KCNG2: variants seen among roughly 807,000 people sequenced by gnomAD.
KCNG2 encodes potassium voltage-gated channel modifier subfamily G member 2.
A neutral mutation model predicts 12.3 loss-of-function variants in KCNG2; 7 were observed. The ratio of observed to expected loss-of-function variants is 0.57; its 90% confidence interval spans 0.32 to 1.07. The LOEUF (loss-of-function observed/expected upper bound fraction) is 1.07, where lower values mean the gene tolerates loss of function less well. Among genes scored for constraint, KCNG2 ranks in the 50% least tolerant of loss-of-function variants. The pLI is 0.04. For synonymous variants in KCNG2, 414 were observed against 351.4 expected (o/e 1.18, Z -1.99); for missense variants, 703 against 726.0 (o/e 0.97, Z 0.36).
At chr18:79,857,014 C>G (rs1013901832) in intron 2 of KCNG2, among the ~76,000 whole-genome samples, 8 of 147,728 alleles carry the variant, frequency 5.4e-5, no homozygotes, top group Non-Finnish European at 1.2e-4. Flanking sequence ...GCCCTCCGTC[C>G]CAGAGGAGCT....
intron 1 of KCNG2, among the ~76,000 whole-genome samples, chr18:79,818,340 G>A (rs1349860579): frequency 6.6e-6 from 1 of 152,248 alleles, no homozygotes; most frequent in East Asian, 1.9e-4. Flanking sequence ...GGAGGCTGGA[G>A]GCCCGGCCCA....
intron 1 of KCNG2, among the ~76,000 whole-genome samples, chr18:79,852,662 C>T (rs1263498102): frequency 6.6e-6 from 1 of 152,266 alleles, no homozygotes; most frequent in Non-Finnish European, 1.5e-5. Flanking sequence ...CTCACCAGCG[C>T]CTGCACCTGG....
At position 79,874,508 on chromosome 18, in the gene KCNG2, A is replaced by G. The variant is rs1316793299; in HGVS notation, c.624+10217A>G. Among the ~76,000 whole-genome samples, 7 of 152,234 alleles carry G rather than the reference A, an allele frequency of 4.6e-5. No individual in the cohort carries two copies. In the East Asian group the frequency reaches 1.3e-3, roughly 29 times the overall value. ...TCTCACAAAATAATCTTTAAAATCT[A>G]GAGAAATGTGTACGAAGATGTGACG... On this transcript the variant is annotated intron_variant, in intron 3 of 3. Transcript: ENST00000316249.
intron 1 of KCNG2, among the ~76,000 whole-genome samples, chr18:79,828,407 AGT>A (rs1411132043): frequency 2.0e-5 from 3 of 150,188 alleles, no homozygotes; most frequent in African/African-American, 4.9e-5. Flanking sequence ...TGCATGTATC[AGT>A]GTGTGCATGT....
Position 79,884,675 on chromosome 18 carries a change from G to A in KCNG2, c.625-14365G>A, listed in dbSNP as rs1980451829. 2.6e-5 allele frequency among the ~76,000 whole-genome samples: 4 copies of A among 152,216 alleles called. No individual in the cohort carries two copies. Among genetic ancestry groups the A allele is most frequent in the African/African-American group, 9.6e-5 (4 of 41,462 alleles). On this transcript the variant is annotated intron_variant, in intron 3 of 3. Transcript: ENST00000316249. The surrounding 1 kb of genome is among the most constrained non-coding windows in gnomAD (Gnocchi z 5.5). The stretch of plus-strand genomic sequence containing the variant: ...CGGAGAAATGTTTGTGGTTTCCAAA[G>A]AGACCGGACACGCCCAAGGCCCACA...
intron 3 of KCNG2, among the ~76,000 whole-genome samples, chr18:79,885,513 T>C (rs1980491677): frequency 6.6e-6 from 1 of 152,188 alleles, no homozygotes; most frequent in African/African-American, 2.4e-5. Context: ...GGGTCCCTCC[T>C]TGTTGTGGGC....
chr18:79,808,108 G>A (rs530433796), intron 1 of KCNG2, among the ~76,000 whole-genome samples: 2 of 122,656 alleles, frequency 1.6e-5, no homozygotes, highest in Admixed American at 7.9e-5. Flanking sequence ...TCCACGTTAT[G>A]GGCCCAGAGT....
rs185416074 is a variant in KCNG2, at chr18:79,817,321, G to A, written c.-115+19307G>A. Among the ~76,000 whole-genome samples, 168 of 152,292 alleles carry A rather than the reference G, an allele frequency of 1.1e-3. 3 individuals carry two copies. The East Asian group carries it at 0.016, about 14-fold the overall frequency. ...CCTGCCTCACGGCTGCCACATGGCCGCCACTCACATGCCTGTCACATGGTT... is the reference window on the plus strand; with the variant it reads ...CCTGCCTCACGGCTGCCACATGGCCACCACTCACATGCCTGTCACATGGTT... On this transcript the variant is annotated intron_variant, in intron 1 of 3. Coordinates refer to ENST00000316249, the MANE Select transcript of KCNG2 (RefSeq NM_012283.2).
intron 2 of KCNG2, among the ~76,000 whole-genome samples, chr18:79,860,370 T>C (rs1028084400): frequency 7.2e-5 from 11 of 152,244 alleles, no homozygotes; most frequent in African/African-American, 1.9e-4. Flanking sequence ...TTAGGGAAGA[T>C]TGCCATCTTA....
intron 1 of KCNG2, among the ~76,000 whole-genome samples, chr18:79,799,125 C>T (rs560257858): frequency 5.3e-5 from 8 of 152,336 alleles, no homozygotes; most frequent in African/African-American, 1.9e-4. Flanking sequence ...TCAAAGTGAG[C>T]GCCGGGCAGA....
intron 3 of KCNG2, among the ~76,000 whole-genome samples, chr18:79,894,846 G>T (rs971233226): frequency 6.6e-6 from 1 of 151,608 alleles, no homozygotes; most frequent in Admixed American, 6.6e-5. Flanking sequence ...GTATGCTTTT[G>T]ATTGGGTTGT....
Position 79,803,773 on chromosome 18 carries a change from C to G in KCNG2, c.-115+5759C>G, listed in dbSNP as rs1363582815. On this transcript the variant is annotated intron_variant, in intron 1 of 3. Coordinates refer to ENST00000316249, the MANE Select transcript of KCNG2 (RefSeq NM_012283.2). The surrounding 1 kb of genome is among the most constrained non-coding windows in gnomAD (Gnocchi z 4.5). ...GCGTCTCCCGACCACAGGCCCCAGT[C>G]CCGGCCAAGGTTCCAGGATGCCAGC... Among the ~76,000 whole-genome samples the G allele has an allele frequency of 1.3e-5, 2 of 152,212 alleles. No homozygotes were observed. The highest frequency in any genetic ancestry group is 3.9e-4 in the East Asian group (2 of 5,188).
At chr18:79,815,441 C>CAAA (rs760919178) in intron 1 of KCNG2, among the ~76,000 whole-genome samples, 14 of 78,808 alleles carry the variant, frequency 1.8e-4, no homozygotes, top group East Asian at 9.7e-4. Flanking sequence ...AACCCTGCCT[C>CAAA]AAAAAAAAAA....
intron 1 of KCNG2, among the ~76,000 whole-genome samples, chr18:79,825,786 C>T (rs1372614469): frequency 6.6e-6 from 1 of 151,558 alleles, no homozygotes; most frequent in Non-Finnish European, 1.5e-5. Context: ...ACTAAAATTA[C>T]CTGTATCGTC....
chr18:79,826,161 G>A lies in KCNG2; in HGVS notation c.-115+28147G>A, dbSNP rs1207362761. ...AGCTCTGTGGCCGTTGGCAAGGCCA[G>A]GAACCCGGGTAGTCGAGCTGAAACT... On this transcript the variant is annotated intron_variant, in intron 1 of 3. Coordinates refer to ENST00000316249, the MANE Select transcript of KCNG2 (RefSeq NM_012283.2). Among the ~76,000 whole-genome samples, 4 of 152,366 alleles carry A rather than the reference G, an allele frequency of 2.6e-5. No individual in the cohort carries two copies. The East Asian group carries it at 7.7e-4, about 29-fold the overall frequency.
intron 3 of KCNG2, among the ~76,000 whole-genome samples, chr18:79,878,983 G>T (rs1004547454): frequency 1.3e-5 from 2 of 152,242 alleles, no homozygotes; most frequent in African/African-American, 4.8e-5. Flanking sequence ...TGGGTGGTGA[G>T]CTCAGCTCCT....
At chr18:79,891,557 A>AT (rs1192333004) in intron 3 of KCNG2, among the ~76,000 whole-genome samples, 1 of 152,136 alleles carries the variant, frequency 6.6e-6, no homozygotes, top group African/African-American at 2.4e-5. Flanking sequence ...GCTGCACCAT[A>AT]TAAGTTTGGA....
chr18:79,826,213 G>T (rs1455430582), intron 1 of KCNG2, among the ~76,000 whole-genome samples: 1 of 152,282 alleles, frequency 6.6e-6, no homozygotes, highest in Non-Finnish European at 1.5e-5. Flanking sequence ...GGCCTCCGTG[G>T]GAGAAGGGTC....
chr18:79,869,887 C>T (rs1395892260), intron 3 of KCNG2, among the ~76,000 whole-genome samples: 1 of 152,230 alleles, frequency 6.6e-6, no homozygotes, highest in Non-Finnish European at 1.5e-5. Context: ...GCCGCCACCA[C>T]CACGCGGGAC....
Sources: gnomAD v4.1 joint callset for allele counts (sites outside exome capture counted in the v4.1 genomes callset) on GRCh38, gnomAD v4.1.1 for gene constraint, Gnocchi (gnomAD v3.1) non-coding constraint, MANE v1.5 for transcripts, NCBI Gene and HGNC (gene_info 2026-07-23, HGNC 2026-07-21) for gene names.